Variants in GSDMC observed in about 807,000 individuals in gnomAD.
The protein encoded by GSDMC is gasdermin C, also known as gasdermin-C.
In GSDMC, 59 loss-of-function variants were observed where a neutral mutation model predicts 58.0. The observed-to-expected ratio is 1.02, with a 90% CI of 0.82 to 1.26. The LOEUF (loss-of-function observed/expected upper bound fraction) is 1.26. Ranked by LOEUF, GSDMC falls within the 50% of genes most tolerant of loss-of-function variation. The probability of loss-of-function intolerance (pLI) is 0.00; values close to 1 mark genes in which losing one functional copy is unlikely to be tolerated. For synonymous variants in GSDMC, 241 were observed against 220.2 expected (o/e 1.09, Z -0.83); for missense variants, 659 against 598.5 (o/e 1.10, Z -1.06).
the GSDMC span, among the ~76,000 whole-genome samples, chr8:129,711,979 T>C: frequency 1.3e-5 from 2 of 152,126 alleles, no homozygotes; most frequent in Non-Finnish European, 1.5e-5. Flanking sequence ...TAAAAGGGCC[T>C]GGCATGATGG....
At chr8:129,717,034 G>A in the GSDMC span, among the ~76,000 whole-genome samples, 1 of 152,116 alleles carries the variant, frequency 6.6e-6, no homozygotes, top group Admixed American at 6.5e-5. Context: ...TTTTATTAAG[G>A]ATTTTTGCAT....
chr8:129,707,704 T>G, the GSDMC span, among the ~76,000 whole-genome samples: 4 of 152,262 alleles, frequency 2.6e-5, no homozygotes, highest in Non-Finnish European at 5.9e-5. Flanking sequence ...ATTCTACCAA[T>G]GCTTTCTACC....
the GSDMC span, among the ~76,000 whole-genome samples, chr8:129,738,258 G>A: frequency 4.6e-5 from 7 of 152,180 alleles, no homozygotes; most frequent in Admixed American, 2.0e-4. Flanking sequence ...AGACAGTGTG[G>A]CGATTCCTCA....
At chr8:129,775,343 T>C (rs565594226) in intron 3 of GSDMC, among the ~76,000 whole-genome samples, 6 of 152,322 alleles carry the variant, frequency 3.9e-5, no homozygotes, top group African/African-American at 1.4e-4. Context: ...CTCACATATA[T>C]GTGGAACCTA....
At chr8:129,729,938 G>C in the GSDMC span, 7 of 1,494,530 alleles carry the variant, frequency 4.7e-6, no homozygotes, top group South Asian at 6.8e-5. Context: ...TCAACACTAA[G>C]CGAGCCAGTG....
At chr8:129,755,597 T>C (rs531013369) in intron 6 of GSDMC, among the ~76,000 whole-genome samples, 64 of 152,262 alleles carry the variant, frequency 4.2e-4, no homozygotes, top group African/African-American at 1.5e-3. Flanking sequence ...AATTATGGCA[T>C]GTAAACTATT....
At chr8:129,733,990 T>C in the GSDMC span, among the ~76,000 whole-genome samples, 2 of 152,160 alleles carry the variant, frequency 1.3e-5, no homozygotes, top group Non-Finnish European at 2.9e-5. Flanking sequence ...AATGACCTGA[T>C]GGAGCTGAAA....
At chr8:129,724,258 G>A in the GSDMC span, among the ~76,000 whole-genome samples, 1 of 152,168 alleles carries the variant, frequency 6.6e-6, no homozygotes, top group South Asian at 2.1e-4. Flanking sequence ...GCAGTCACAT[G>A]TAAGACCCTA....
chr8:129,742,475 C>T, the GSDMC span, among the ~76,000 whole-genome samples: 2 of 152,096 alleles, frequency 1.3e-5, no homozygotes, highest in Non-Finnish European at 2.9e-5. Context: ...TTAGTCAACA[C>T]ACAATTGCAA....
At chr8:129,784,910 G>A (rs2130599776) in intron 1 of GSDMC, among the ~76,000 whole-genome samples, 1 of 152,276 alleles carries the variant, frequency 6.6e-6, no homozygotes, top group East Asian at 1.9e-4. Context: ...GTACTACTCA[G>A]CCATAAAAAA....
chr8:129,771,592 A>G lies in GSDMC; in HGVS notation c.404+4510T>C, dbSNP rs140766657. Reference sequence around the variant, plus strand: ...AAAGAAGAAATCAAAAGGGAATTCAAAAAATATCTGAGACAAACAAAAATG... The same window carrying G: ...AAAGAAGAAATCAAAAGGGAATTCAGAAAATATCTGAGACAAACAAAAATG... On this transcript the variant is annotated intron_variant, in intron 3 of 13. Transcript: ENST00000276708. Among the ~76,000 whole-genome samples the G allele has an allele frequency of 6.0e-3, 907 of 152,314 alleles. 4 individuals carry two copies. The highest frequency in any genetic ancestry group is 8.2e-3 in the Non-Finnish European group (559 of 68,020).
chr8:129,727,750 T>C, the GSDMC span, among the ~76,000 whole-genome samples: 1 of 152,182 alleles, frequency 6.6e-6, no homozygotes, highest in Non-Finnish European at 1.5e-5. Flanking sequence ...GGTAAGAGAT[T>C]GGAGCACCTG....
chr8:129,750,652 C>G, intron 10 of GSDMC, 82 bp from the exon 11 acceptor site: 1 of 1,387,838 alleles, frequency 7.2e-7, no homozygotes. Flanking sequence ...CCTGTTTGCA[C>G]GAATATGAAC....
chr8:129,749,964 C>A (rs774509884), intron 12 of GSDMC, 26 bp downstream of exon 12: 65 of 1,561,774 alleles, frequency 4.2e-5, no homozygotes, highest in Non-Finnish European at 4.1e-5. Context: ...TGTGATTCTC[C>A]CATTCTTCCC....
Position 129,750,138 on chromosome 8 carries a change from ATTG to A in GSDMC, c.1084-22_1084-20del. 1 of 1,516,852 alleles carries A rather than the reference ATTG, an allele frequency of 6.6e-7. No homozygotes were observed. Among genetic ancestry groups the A allele is most frequent in the Non-Finnish European group, 8.9e-7 (1 of 1,129,664 alleles). The allele number at this position is 1,516,852 out of a possible 1,614,324, so 94.0% of individuals were successfully genotyped here. A position where few individuals can be genotyped will look rare whatever the true frequency, so the allele number is the denominator to read the frequency against. The stretch of plus-strand genomic sequence containing the variant: ...ATTCCAGCTATAGAAGACAGGTATT[ATTG>A]TTAATAATAATACTAATAACAGTAA... On this transcript the variant is annotated intron_variant, in intron 11 of 13. Coordinates refer to ENST00000276708, the MANE Select transcript of GSDMC (RefSeq NM_031415.3).
Position 129,766,131 on chromosome 8 carries a change from G to A in GSDMC, c.405-338C>T, listed in dbSNP as rs149476757. On this transcript the variant is annotated intron_variant, in intron 3 of 13. Transcript: ENST00000276708. The stretch of plus-strand genomic sequence containing the variant: ...AAAGGGCTAGAAGCAGACAGGTCCA[G>A]ATGATTGAGAACAGTCTTTAGGAGG... Among the ~76,000 whole-genome samples the A allele has an allele frequency of 1.4e-4, 22 of 152,326 alleles. No individual in the cohort carries two copies. The East Asian group carries it at 4.2e-3, about 29-fold the overall frequency.
chr8:129,710,748 C>T, the GSDMC span, among the ~76,000 whole-genome samples: 1 of 152,252 alleles, frequency 6.6e-6, no homozygotes, highest in Admixed American at 6.5e-5. Flanking sequence ...TGCTTATTAC[C>T]TTTTAAGTGA....
At chr8:129,717,250 C>CTTTTTTTTTTTTTTTTTTT in the GSDMC span, among the ~76,000 whole-genome samples, 1 of 114,686 alleles carries the variant, frequency 8.7e-6, no homozygotes, top group Non-Finnish European at 1.7e-5. Flanking sequence ...TGGTCCTGGG[C>CTTTTTTTTTTTTTTTTTTT]TTTTTTTTTT....
rs754354297 is a variant in GSDMC, at chr8:129,777,433, T to G, written c.155A>C (p.Gln52Pro). 1.2e-6 allele frequency: 2 copies of G among 1,613,994 alleles called. No homozygotes were observed. Among genetic ancestry groups the G allele is most frequent in the South Asian group, 1.1e-5 (1 of 91,082 alleles). The change falls in exon 2 of 14, where the codon CAA becomes CCA. Residue 52 changes from glutamine to proline, a missense_variant. Transcript: ENST00000276708. ...KKDSRSSFWE[Q>P]SDYVPVEFSL... ...GAATTCAACTGGAACATAGTCAGAT[T>G]GTTCCCAAAATGATGAACGAGAATC...
Sources: gnomAD v4.1 joint callset for allele counts (sites outside exome capture counted in the v4.1 genomes callset) on GRCh38, gnomAD v4.1.1 for gene constraint, MANE v1.5 for transcripts, NCBI Gene and HGNC (gene_info 2026-07-23, HGNC 2026-07-21) for gene names.